Variants in DPP6 observed in about 807,000 individuals in gnomAD.
DPP6 encodes the protein dipeptidyl peptidase like 6.
DPP6 carries 69 observed loss-of-function variants against 122.6 expected under a neutral mutation model. The observed-to-expected ratio is 0.56, with a 90% CI of 0.46 to 0.69. The LOEUF (loss-of-function observed/expected upper bound fraction) is 0.69, where lower values mean the gene tolerates loss of function less well. Among genes scored for constraint, DPP6 ranks in the 30% least tolerant of loss-of-function variants. The pLI is 0.00. For synonymous variants in DPP6, 418 were observed against 433.1 expected (o/e 0.97, Z 0.43); for missense variants, 928 against 1,116.9 (o/e 0.83, Z 2.41).
At chr7:154,571,237 G>A (rs1288592893) in intron 5 of DPP6, among the ~76,000 whole-genome samples, 1 of 152,088 alleles carries the variant, frequency 6.6e-6, no homozygotes, top group African/African-American at 2.4e-5. Context: ...GAGCAGCCAT[G>A]CTTTTTTATA....
chr7:154,213,308 A>C (rs1036921038), intron 1 of DPP6, among the ~76,000 whole-genome samples: 3 of 152,240 alleles, frequency 2.0e-5, no homozygotes, highest in African/African-American at 7.2e-5. Context: ...CAAGTATTTG[A>C]CATATATGTA....
At chr7:153,892,141 A>G (rs1442853558) in intron 1 of DPP6, among the ~76,000 whole-genome samples, 1 of 152,182 alleles carries the variant, frequency 6.6e-6, no homozygotes, top group Admixed American at 6.5e-5. Context: ...TCTGAATGTG[A>G]ACTTTCCACA....
intron 1 of DPP6, among the ~76,000 whole-genome samples, chr7:153,929,476 G>A (rs907065538): frequency 6.6e-6 from 1 of 152,034 alleles, no homozygotes; most frequent in Admixed American, 6.6e-5. Flanking sequence ...TTAAGAGCAG[G>A]CTAGAAGTTG....
chr7:154,429,942 T>C (rs1337630476), intron 1 of DPP6, among the ~76,000 whole-genome samples: 2 of 152,228 alleles, frequency 1.3e-5, no homozygotes, highest in Admixed American at 1.3e-4. Context: ...GGCCTGGTGC[T>C]GTCTGGTTTC....
intron 1 of DPP6, among the ~76,000 whole-genome samples, chr7:153,926,951 A>G (rs953004256): frequency 1.3e-5 from 2 of 152,234 alleles, no homozygotes; most frequent in Non-Finnish European, 2.9e-5. Context: ...AGAAATTCCA[A>G]AGTAAAAGTT....
intron 16 of DPP6, among the ~76,000 whole-genome samples, chr7:154,818,692 C>T (rs1340756093): frequency 6.6e-6 from 1 of 152,128 alleles, no homozygotes; most frequent in Admixed American, 6.5e-5. Context: ...CCTCAGCTGC[C>T]CTTTTTAATT....
At chr7:153,790,625 C>CATT in the DPP6 span, among the ~76,000 whole-genome samples, 7 of 152,254 alleles carry the variant, frequency 4.6e-5, no homozygotes, top group African/African-American at 1.7e-4. Context: ...TCCGTTGATA[C>CATT]TGACATTAGT....
chr7:154,009,184 C>T (rs1402452096), intron 1 of DPP6, among the ~76,000 whole-genome samples: 1 of 62,618 alleles, frequency 1.6e-5, no homozygotes, highest in Non-Finnish European at 3.1e-5. Flanking sequence ...GCTGGCTCTC[C>T]CTAATGATAA....
At chr7:154,798,039 G>A (rs1003824817) in intron 12 of DPP6, among the ~76,000 whole-genome samples, 1 of 152,216 alleles carries the variant, frequency 6.6e-6, no homozygotes, top group African/African-American at 2.4e-5. Context: ...TTGAACAGGA[G>A]GAGGTGAGGG....
intron 1 of DPP6, chr7:154,305,698 C>T (rs929348179): frequency 2.5e-6 from 3 of 1,209,132 alleles, no homozygotes; most frequent in Middle Eastern, 2.8e-4. Context: ...ATGACTGTAG[C>T]CCCCTGAGCC....
intron 16 of DPP6, among the ~76,000 whole-genome samples, chr7:154,850,492 C>T (rs1481861049): frequency 6.6e-6 from 1 of 152,072 alleles, no homozygotes; most frequent in Admixed American, 6.6e-5. Flanking sequence ...GGAAGTACTC[C>T]CTCACGTTCC....
At chr7:154,056,041 T>C (rs1031867770) in intron 1 of DPP6, 2 of 152,210 alleles carry the variant, frequency 1.3e-5, no homozygotes, top group Non-Finnish European at 2.9e-5. Context: ...TTTATGGTAG[T>C]CTAACAAGGC....
At chr7:154,792,754 C>T (rs1267899663) in intron 10 of DPP6, among the ~76,000 whole-genome samples, 2 of 152,232 alleles carry the variant, frequency 1.3e-5, no homozygotes, top group African/African-American at 2.4e-5. Context: ...TTGAAAGGCA[C>T]GAGAGCTGGA....
At chr7:154,494,788 A>G (rs1298754610) in intron 3 of DPP6, among the ~76,000 whole-genome samples, 1 of 152,190 alleles carries the variant, frequency 6.6e-6, no homozygotes, top group African/African-American at 2.4e-5. Context: ...CTCCAAGTCA[A>G]CCAAATGCAT....
intron 1 of DPP6, among the ~76,000 whole-genome samples, chr7:154,032,754 T>A (rs1222129321): frequency 6.6e-6 from 1 of 152,074 alleles, no homozygotes; most frequent in East Asian, 1.9e-4. Context: ...CTGTCTCATT[T>A]TTGTCTAAAG....
intron 21 of DPP6, among the ~76,000 whole-genome samples, chr7:154,882,857 GC>G (rs1376653807): frequency 1.1e-4 from 17 of 152,182 alleles, no homozygotes; most frequent in Admixed American, 7.9e-4. Context: ...TAGACAAGGT[GC>G]CCCTGCCCTA....
intron 16 of DPP6, among the ~76,000 whole-genome samples, chr7:154,848,474 A>G (rs1802119461): frequency 6.6e-6 from 1 of 152,078 alleles, no homozygotes; most frequent in Non-Finnish European, 1.5e-5. Context: ...GTCTTCTTTG[A>G]CAAATTCAGG....
intron 1 of DPP6, among the ~76,000 whole-genome samples, chr7:154,351,623 A>G (rs1429673870): frequency 1.3e-5 from 2 of 152,208 alleles, no homozygotes; most frequent in Non-Finnish European, 2.9e-5. Flanking sequence ...GCCAGGTGGC[A>G]GGAGAGCCTG....
chr7:154,057,807 T>C (rs1800990295), intron 1 of DPP6: 1 of 150,612 alleles, frequency 6.6e-6, no homozygotes, highest in African/African-American at 2.5e-5. Context: ...GCCTTTTCCA[T>C]TGTATGCGTC....
Sources: gnomAD v4.1 joint callset for allele counts (sites outside exome capture counted in the v4.1 genomes callset) on GRCh38, gnomAD v4.1.1 for gene constraint, MANE v1.5 for transcripts, NCBI Gene and HGNC (gene_info 2026-07-23, HGNC 2026-07-21) for gene names.